Variants in KSR1 observed in about 807,000 individuals in gnomAD.
KSR1 encodes the protein kinase suppressor of ras 1.
Under a neutral mutation model 92.9 loss-of-function variants are expected in KSR1, and 35 were observed. The ratio of observed to expected loss-of-function variants is 0.38; its 90% confidence interval spans 0.29 to 0.50. KSR1 has a LOEUF of 0.50. Among genes scored for constraint, KSR1 ranks in the 20% least tolerant of loss-of-function variants. The probability of loss-of-function intolerance (pLI) is 0.94; values close to 1 mark genes in which losing one functional copy is unlikely to be tolerated. For synonymous variants in KSR1, 467 were observed against 472.6 expected (o/e 0.99, Z 0.15); for missense variants, 972 against 1,158.5 (o/e 0.84, Z 2.34).
intron 1 of KSR1, 60 bp from the exon 2 acceptor site, chr17:27,550,508 G>C: frequency 2.6e-6 from 2 of 754,912 alleles, no homozygotes; most frequent in Non-Finnish European, 4.9e-6. Context: ...GTGTGCTTGG[G>C]CCTGCCATAT....
intron 1 of KSR1, among the ~76,000 whole-genome samples, chr17:27,499,368 C>T (rs1357999639): frequency 6.6e-6 from 1 of 152,192 alleles, no homozygotes; most frequent in Non-Finnish European, 1.5e-5. Context: ...GTGGTTTTAT[C>T]AGTCAATTGA....
intron 1 of KSR1, among the ~76,000 whole-genome samples, chr17:27,525,991 ACTTTTCTTTTCTTTT>A (rs138403263): frequency 5.2e-4 from 37 of 71,168 alleles, no homozygotes; most frequent in Admixed American, 9.1e-4. Flanking sequence ...ACTGCAACTA[ACTTTTCTTTTCTTTT>A]CTTTTCTTTT....
chr17:27,527,030 C>T, intron 1 of KSR1: 1 of 480,574 alleles, frequency 2.1e-6, no homozygotes, highest in Non-Finnish European at 3.9e-6. Flanking sequence ...TGAAATCCGG[C>T]AGGGACAGCT....
chr17:27,487,590 A>G (rs2068705343), intron 1 of KSR1, among the ~76,000 whole-genome samples: 1 of 151,760 alleles, frequency 6.6e-6, no homozygotes, highest in Admixed American at 6.6e-5. Flanking sequence ...CTCTTTTAAA[A>G]AAAAAAAAAA....
At chr17:27,606,435 T>C (rs901621034) in intron 14 of KSR1, among the ~76,000 whole-genome samples, 2 of 152,234 alleles carry the variant, frequency 1.3e-5, no homozygotes, top group Non-Finnish European at 2.9e-5. Flanking sequence ...GTTTTTAAAC[T>C]GTTTATTCCT....
Position 27,508,616 on chromosome 17 carries a change from C to T in KSR1, c.232-41952C>T, listed in dbSNP as rs1184533558. Among the ~76,000 whole-genome samples, 6 of 152,158 alleles carry T rather than the reference C, an allele frequency of 3.9e-5. No individual in the cohort carries two copies. The East Asian group carries it at 1.2e-3, about 29-fold the overall frequency. ...AAACAAAGGGGACTGGACACTTGCT[C>T]ACAGGAGGTGCAGGAAGGGCAGGGA... On this transcript the variant is annotated intron_variant, in intron 1 of 20. Transcript: ENST00000644974.
Position 27,591,848 on chromosome 17 carries a change from G to A in KSR1, c.1131-513G>A, listed in dbSNP as rs73983483. Among the ~76,000 whole-genome samples the A allele has an allele frequency of 6.7e-3, 1,024 of 152,326 alleles. 11 individuals carry two copies. Among genetic ancestry groups the A allele is most frequent in the African/African-American group, 0.023 (955 of 41,580 alleles). On this transcript the variant is annotated intron_variant, in intron 7 of 20. Transcript: ENST00000644974. Reference sequence around the variant, plus strand: ...ATTAGTGAGAAATCTAAGACTCAGTGCAGAAGGCAGGACCACAGTGAGAAT... The same window carrying A: ...ATTAGTGAGAAATCTAAGACTCAGTACAGAAGGCAGGACCACAGTGAGAAT...
In KSR1 at chr17:27,605,552, G is replaced by T; in HGVS notation, c.1733G>T (p.Ser578Ile). The stretch of plus-strand genomic sequence containing the variant: ...ATCTCTCGCAAGGCCAGCCAGACCA[G>T]CGTGTACCTGCAGGAGTGGGACATC... ...GPISRKASQT[S>I]VYLQEWDIPF... The change falls in exon 14 of 21, where the codon AGC becomes ATC. Residue 578 changes from serine to isoleucine, a missense_variant. Ser to Ile is a moderately radical substitution (Grantham distance 142). This residue lies in a region of KSR1 where 611 missense variants were observed against 668.0 expected (regional missense o/e 0.91). Coordinates refer to ENST00000644974, the MANE Select transcript of KSR1 (RefSeq NM_001394583.1). 1 of 1,594,560 alleles carries T rather than the reference G, an allele frequency of 6.3e-7. No homozygotes were observed. The highest frequency in any genetic ancestry group is 8.5e-7 in the Non-Finnish European group (1 of 1,171,344).
At chr17:27,497,511 T>A (rs961808284) in intron 1 of KSR1, among the ~76,000 whole-genome samples, 3 of 152,200 alleles carry the variant, frequency 2.0e-5, no homozygotes, top group Non-Finnish European at 4.4e-5. Context: ...TGACCTCCCT[T>A]TCTAAAAAGC....
intron 2 of KSR1, among the ~76,000 whole-genome samples, chr17:27,556,763 C>T (rs908481347): frequency 5.3e-5 from 8 of 152,144 alleles, no homozygotes; most frequent in Non-Finnish European, 1.0e-4. Context: ...GGTGCAGGGC[C>T]CAGATTCCAG....
At chr17:27,480,227 A>G (rs1288426090) in intron 1 of KSR1, among the ~76,000 whole-genome samples, 1 of 151,988 alleles carries the variant, frequency 6.6e-6, no homozygotes, top group Non-Finnish European at 1.5e-5. Flanking sequence ...CCACTCCCAG[A>G]GTGAGGTCTT....
intron 1 of KSR1, among the ~76,000 whole-genome samples, chr17:27,510,049 C>A (rs1392137427): frequency 1.3e-5 from 2 of 152,210 alleles, no homozygotes; most frequent in Non-Finnish European, 2.9e-5. Context: ...TCACCTTGTC[C>A]CTCCTCTTGG....
chr17:27,493,019 A>G (rs1427466189), intron 1 of KSR1, among the ~76,000 whole-genome samples: 2 of 152,218 alleles, frequency 1.3e-5, no homozygotes, highest in African/African-American at 4.8e-5. Flanking sequence ...ATGCCACTTC[A>G]TAGAAAGCAT....
intron 2 of KSR1, among the ~76,000 whole-genome samples, chr17:27,564,740 C>G (rs1042751309): frequency 1.8e-4 from 25 of 139,668 alleles, no homozygotes; most frequent in Admixed American, 3.5e-4. Flanking sequence ...TGGAAGACCC[C>G]CCCCCCCCAC....
intron 1 of KSR1, among the ~76,000 whole-genome samples, chr17:27,478,470 C>T (rs1316343620): frequency 6.6e-6 from 1 of 152,138 alleles, no homozygotes; most frequent in Non-Finnish European, 1.5e-5. Flanking sequence ...CATGACGTCA[C>T]CACATTGGTC....
intron 1 of KSR1, among the ~76,000 whole-genome samples, chr17:27,497,956 G>A (rs1224408151): frequency 6.6e-6 from 1 of 152,178 alleles, no homozygotes. Flanking sequence ...GTTTGTACAG[G>A]TTTTGCTGCA....
intron 6 of KSR1, among the ~76,000 whole-genome samples, chr17:27,590,414 C>T (rs1598097385): frequency 1.3e-5 from 2 of 152,154 alleles, no homozygotes; most frequent in South Asian, 4.1e-4. Flanking sequence ...GGTTATTTTC[C>T]GTCTTTATGC....
chr17:27,468,235 A>T (rs2019798062), intron 1 of KSR1, among the ~76,000 whole-genome samples: 1 of 150,464 alleles, frequency 6.6e-6, no homozygotes, highest in African/African-American at 2.4e-5. Flanking sequence ...GCTGTGGCCA[A>T]TTATTTTTTT....
intron 15 of KSR1, among the ~76,000 whole-genome samples, 170 bp from the exon 16 acceptor site, chr17:27,609,026 G>A (rs2073843076): frequency 6.6e-6 from 1 of 152,188 alleles, no homozygotes; most frequent in South Asian, 2.1e-4. Flanking sequence ...GTGTGGCTTG[G>A]AGCAAGTGAC....
Sources: allele counts gnomAD v4.1 joint callset (sites outside exome capture counted in the v4.1 genomes callset), GRCh38; gene constraint gnomAD v4.1.1; regional missense constraint gnomAD v4.1.1; transcripts MANE v1.5; gene names NCBI Gene and HGNC (gene_info 2026-07-23, HGNC 2026-07-21).